STAU1: variants seen among roughly 807,000 people sequenced by gnomAD.
STAU1 encodes the protein staufen double-stranded RNA binding protein 1.
In STAU1, 13 loss-of-function variants were observed where a neutral mutation model predicts 62.9. The ratio of observed to expected loss-of-function variants is 0.21; its 90% confidence interval spans 0.13 to 0.33. The LOEUF (loss-of-function observed/expected upper bound fraction) is 0.33. Ranked by LOEUF, STAU1 falls within the 10% of genes least tolerant of loss-of-function variation. The pLI is 1.00. For synonymous variants in STAU1, 269 were observed against 265.1 expected (o/e 1.01, Z -0.14); for missense variants, 571 against 712.1 (o/e 0.80, Z 2.25).
chr20:49,171,689 T>A (rs1244251732), intron 2 of STAU1, among the ~76,000 whole-genome samples: 1 of 151,970 alleles, frequency 6.6e-6, no homozygotes, highest in East Asian at 1.9e-4. Context: ...TACTTCTCCC[T>A]CCCAGCCCCC....
At chr20:49,189,295 G>GT (rs2093825032), upstream of STAU1, among the ~76,000 whole-genome samples, 1 of 148,558 alleles carries the variant, frequency 6.7e-6, no homozygotes, top group Non-Finnish European at 1.5e-5. Context: ...AAACTAAGTG[G>GT]TTTTTAGCAG....
intron 5 of STAU1, among the ~76,000 whole-genome samples, chr20:49,149,251 A>ACACACACAC: frequency 7.6e-6 from 1 of 132,030 alleles, no homozygotes; most frequent in South Asian, 2.8e-4. Context: ...ACTGTCTCAA[A>ACACACACAC]ACACACACAC....
intron 13 of STAU1, among the ~76,000 whole-genome samples, chr20:49,115,186 G>C (rs1312920335): frequency 6.6e-6 from 1 of 152,100 alleles, no homozygotes; most frequent in Non-Finnish European, 1.5e-5. Context: ...GTGATCTATG[G>C]GGGAGGCGGT....
intron 6 of STAU1, among the ~76,000 whole-genome samples, chr20:49,126,576 A>AAAAAAAAAAAAAAC (rs1329843357): frequency 9.6e-6 from 1 of 104,384 alleles, no homozygotes; most frequent in Admixed American, 9.2e-5. Context: ...TCAAAAAGCA[A>AAAAAAAAAAAAAAC]AAAAAAAAAA....
intron 3 of STAU1, among the ~76,000 whole-genome samples, chr20:49,157,425 C>A (rs907031981): frequency 2.6e-5 from 4 of 151,832 alleles, no homozygotes; most frequent in Admixed American, 2.6e-4. Context: ...ATAATCCTCC[C>A]ACCTCAACCT....
At chr20:49,208,911 T>A in the STAU1 span, among the ~76,000 whole-genome samples, 91 of 149,246 alleles carry the variant, frequency 6.1e-4, no homozygotes, top group Non-Finnish European at 1.1e-3. Flanking sequence ...CGTGAGCCAC[T>A]GCGCCCGGCC....
Position 49,114,907 on chromosome 20 carries a change from A to G in STAU1, c.1719-14T>C. The G allele has an allele frequency of 2.5e-6, 4 of 1,612,844 alleles. No homozygotes were observed. The highest frequency in any genetic ancestry group is 3.4e-6 in the Non-Finnish European group (4 of 1,179,214). On this transcript the variant is annotated splice_polypyrimidine_tract_variant and intron_variant, in intron 13 of 13. Coordinates refer to ENST00000371856, the MANE Select transcript of STAU1 (RefSeq NM_017453.4). The stretch of plus-strand genomic sequence containing the variant: ...CACCTCCCACACCTTTAAGGAAGAA[A>G]AATGAAAATGACACTAGTTTTGAAA...
In STAU1 at chr20:49,117,005, T is replaced by G; in HGVS notation, c.1632+121A>C. On this transcript the variant is annotated intron_variant, in intron 12 of 13. Transcript: ENST00000371856. The surrounding 1 kb of genome is among the most constrained non-coding windows in gnomAD (Gnocchi z 4.6). Reference sequence around the variant, plus strand: ...ATATGAACACTATCAAACGATTCATTGCTCTCAAGGTCTATGGGACAATCT... The same window carrying G: ...ATATGAACACTATCAAACGATTCATGGCTCTCAAGGTCTATGGGACAATCT... 7.8e-7 allele frequency: 1 copy of G among 1,279,366 alleles called. No homozygotes were observed. The highest frequency in any genetic ancestry group is 1.4e-5 in the South Asian group (1 of 69,070). 79.3% of individuals were successfully genotyped at this position (1,279,366 alleles called of 1,614,324 possible).
At chr20:49,200,926 C>A in the STAU1 span, among the ~76,000 whole-genome samples, 2 of 151,142 alleles carry the variant, frequency 1.3e-5, no homozygotes, top group South Asian at 4.2e-4. Flanking sequence ...GTAGTCTCAG[C>A]TGCTCAGGAG....
At chr20:49,138,529 T>C (rs1418336212) in intron 5 of STAU1, among the ~76,000 whole-genome samples, 2 of 152,098 alleles carry the variant, frequency 1.3e-5, no homozygotes, top group Non-Finnish European at 2.9e-5. Flanking sequence ...GGAGACAGTG[T>C]CTCACACTGT....
At chr20:49,199,763 G>A in the STAU1 span, among the ~76,000 whole-genome samples, 9 of 151,946 alleles carry the variant, frequency 5.9e-5, no homozygotes, top group African/African-American at 1.7e-4. Context: ...TAGTAGAGAC[G>A]GGGTTTCACC....
intron 9 of STAU1, 148 bp from the exon 10 acceptor site, chr20:49,118,556 C>A: frequency 1.6e-6 from 1 of 640,636 alleles, no homozygotes; most frequent in South Asian, 2.0e-5. Context: ...ACCACTGGCA[C>A]CCTGACAGAC....
chr20:49,149,252 ACACACACACAC>A (rs972648215), intron 5 of STAU1, among the ~76,000 whole-genome samples: 5 of 5,060 alleles, frequency 9.9e-4, no homozygotes, highest in African/African-American at 1.3e-3. Flanking sequence ...CTGTCTCAAA[ACACACACACAC>A]ACACACACAC....
intron 5 of STAU1, among the ~76,000 whole-genome samples, chr20:49,143,694 C>T (rs1052054293): frequency 2.0e-5 from 3 of 152,204 alleles, no homozygotes; most frequent in Non-Finnish European, 4.4e-5. Flanking sequence ...TATCTGGCTC[C>T]AACAGACTCT....
At chr20:49,215,154 AG>A in the STAU1 span, among the ~76,000 whole-genome samples, 3 of 152,112 alleles carry the variant, frequency 2.0e-5, no homozygotes, top group African/African-American at 7.2e-5. Context: ...ACTCCATCCA[AG>A]TCTGTTCCCA....
chr20:49,170,788 A>G (rs1424623392), intron 2 of STAU1, among the ~76,000 whole-genome samples: 3 of 149,740 alleles, frequency 2.0e-5, no homozygotes, highest in Admixed American at 1.3e-4. Flanking sequence ...TGTCTGGGAA[A>G]AAAAAAAAAA....
At chr20:49,150,200 A>T (rs1258333135) in intron 5 of STAU1, among the ~76,000 whole-genome samples, 1 of 152,168 alleles carries the variant, frequency 6.6e-6, no homozygotes, top group Non-Finnish European at 1.5e-5. Context: ...TAGTCACAAA[A>T]ATGTTAAAAT....
At chr20:49,187,802 C>T (rs1419635491) in intron 1 of STAU1, among the ~76,000 whole-genome samples, 1 of 150,602 alleles carries the variant, frequency 6.6e-6, no homozygotes, top group Non-Finnish European at 1.5e-5. Flanking sequence ...TGCGCCCCAG[C>T]CCCGGGAATA....
At chr20:49,181,540 G>A (rs763055606) in intron 1 of STAU1, among the ~76,000 whole-genome samples, 11 of 151,996 alleles carry the variant, frequency 7.2e-5, no homozygotes, top group Non-Finnish European at 1.0e-4. Context: ...TAAGGCAGGC[G>A]GATTGCCTGA....
Sources: gnomAD v4.1 joint callset for allele counts (sites outside exome capture counted in the v4.1 genomes callset) on GRCh38, gnomAD v4.1.1 for gene constraint, Gnocchi (gnomAD v3.1) non-coding constraint, MANE v1.5 for transcripts, NCBI Gene and HGNC (gene_info 2026-07-23, HGNC 2026-07-21) for gene names.